The following TSPEAR variants were observed in gnomAD, a reference collection of about 807,000 sequenced individuals.
TSPEAR encodes the protein thrombospondin-type laminin G domain and EAR repeat-containing protein.
Under a neutral mutation model 71.6 loss-of-function variants are expected in TSPEAR, and 69 were observed. The observed-to-expected ratio is 0.96, with a 90% confidence interval of 0.79 to 1.18. TSPEAR has a LOEUF of 1.18. TSPEAR is among the 50% of genes most tolerant of loss of function. The probability of loss-of-function intolerance (pLI) is 0.00; values close to 1 mark genes in which losing one functional copy is unlikely to be tolerated. For missense variants in TSPEAR, 971 were observed against 894.9 expected (o/e 1.09, Z -1.09); for synonymous variants, 402 against 387.2 (o/e 1.04, Z -0.45).
intron 8 of TSPEAR, among the ~76,000 whole-genome samples, chr21:44,523,186 C>T (rs111067111): frequency 0.035 from 5,159 of 148,052 alleles, 426 homozygotes; most frequent in African/African-American, 0.13. Flanking sequence ...AGCCAGCCAG[C>T]CAATTAGTCA....
intron 1 of TSPEAR, chr21:44,646,613 G>A (rs781991449): frequency 6.2e-7 from 1 of 1,612,908 alleles, no homozygotes; most frequent in Admixed American, 1.7e-5. Context: ...CCAGTGAGCT[G>A]TGTGTCCAGC....
At chr21:44,673,930 G>A (rs1255518378) in intron 1 of TSPEAR, among the ~76,000 whole-genome samples, 3 of 151,060 alleles carry the variant, frequency 2.0e-5, no homozygotes, top group East Asian at 1.9e-4. Context: ...AGGGAAACAC[G>A]ACATATCAAA....
chr21:44,548,558 A>G (rs1418675516), intron 2 of TSPEAR, among the ~76,000 whole-genome samples: 1 of 152,232 alleles, frequency 6.6e-6, no homozygotes, highest in Non-Finnish European at 1.5e-5. Flanking sequence ...ACACGTGAAC[A>G]CGTGAACATG....
chr21:44,547,502 C>G (rs587629795), intron 2 of TSPEAR, among the ~76,000 whole-genome samples: 3 of 152,264 alleles, frequency 2.0e-5, no homozygotes, highest in East Asian at 1.9e-4. Context: ...TTCTGGGTAT[C>G]AGGTTCTCCT....
At chr21:44,532,706 G>A (rs1169204323) in intron 3 of TSPEAR, among the ~76,000 whole-genome samples, 1 of 152,214 alleles carries the variant, frequency 6.6e-6, no homozygotes, top group East Asian at 1.9e-4. Context: ...CTGCTCCACA[G>A]TGGTAGATCC....
chr21:44,568,086 A>G (rs2053726861), intron 1 of TSPEAR, 81 bp from the exon 2 acceptor site: 2 of 1,117,268 alleles, frequency 1.8e-6, no homozygotes, highest in Non-Finnish European at 2.5e-6. Context: ...TGTATGGGGC[A>G]TCAGCGTGGC....
chr21:44,546,322 G>A lies in TSPEAR; in HGVS notation c.304-12399C>T, dbSNP rs1466387683. On this transcript the variant is annotated intron_variant, in intron 2 of 11. Coordinates refer to ENST00000323084, the MANE Select transcript of TSPEAR (RefSeq NM_144991.3). This position sits in a 1 kb window ranked among gnomAD's most constrained non-coding sequence, Gnocchi z 4.4. ...AGTCTATTGGCAATGAGCTTTTTCA[G>A]GTTTTATTTACCTTGAAATGAATCA... 6.6e-6 allele frequency among the ~76,000 whole-genome samples: 1 copy of A among 152,112 alleles called. No individual in the cohort carries two copies. The highest frequency in any genetic ancestry group is 2.4e-5 in the African/African-American group (1 of 41,428).
At chr21:44,643,243 C>T (rs899665492) in intron 1 of TSPEAR, among the ~76,000 whole-genome samples, 2 of 152,078 alleles carry the variant, frequency 1.3e-5, no homozygotes, top group Non-Finnish European at 2.9e-5. Flanking sequence ...AATGGGGATT[C>T]GAGGGCCAGG....
intron 5 of TSPEAR, 35 bp from the exon 6 acceptor site, chr21:44,528,618 A>G (rs1555915273): frequency 6.2e-7 from 1 of 1,610,572 alleles, no homozygotes. Flanking sequence ...GTTTCCAGCA[A>G]GCCAGTGCCC....
chr21:44,620,268 T>C (rs587740854), intron 1 of TSPEAR, among the ~76,000 whole-genome samples: 1 of 152,322 alleles, frequency 6.6e-6, no homozygotes, highest in Admixed American at 6.5e-5. Flanking sequence ...TTGAGGTAAA[T>C]AAAACCTGAG....
At chr21:44,656,851 G>C in intron 1 of TSPEAR, among the ~76,000 whole-genome samples, 1 of 152,038 alleles carries the variant, frequency 6.6e-6, no homozygotes, top group East Asian at 1.9e-4. Context: ...CATTTTTCTA[G>C]ATTCTTTCTC....
At chr21:44,684,812 C>T (rs115867893) in intron 1 of TSPEAR, among the ~76,000 whole-genome samples, 8,293 of 152,270 alleles carry the variant, frequency 0.054, 243 homozygotes, top group Middle Eastern at 0.14. Context: ...AAGATGCATC[C>T]TCATTCTTCT....
intron 2 of TSPEAR, 70 bp downstream of exon 2, chr21:44,567,715 C>T (rs1555921900): frequency 1.8e-5 from 25 of 1,365,010 alleles, no homozygotes; most frequent in South Asian, 1.3e-4. Flanking sequence ...CCTGTGCACG[C>T]GTTGGTACTG....
chr21:44,661,544 T>TA (rs1985497306), intron 1 of TSPEAR, among the ~76,000 whole-genome samples: 1 of 152,206 alleles, frequency 6.6e-6, no homozygotes, highest in South Asian at 2.1e-4. Flanking sequence ...TGAAAGGACG[T>TA]ATTAGGCTAT....
At chr21:44,513,662 G>A (rs1555913004) in intron 9 of TSPEAR, among the ~76,000 whole-genome samples, 1 of 152,232 alleles carries the variant, frequency 6.6e-6, no homozygotes, top group Non-Finnish European at 1.5e-5. Context: ...TCGAGGGCGG[G>A]TGGGCACCCG....
intron 1 of TSPEAR, among the ~76,000 whole-genome samples, chr21:44,630,378 C>G (rs900596284): frequency 6.6e-6 from 1 of 152,154 alleles, no homozygotes; most frequent in African/African-American, 2.4e-5. Flanking sequence ...GCAAATGAAC[C>G]AGTCACTGCC....
intron 1 of TSPEAR, among the ~76,000 whole-genome samples, chr21:44,578,745 C>T (rs948615618): frequency 6.6e-5 from 10 of 152,140 alleles, no homozygotes; most frequent in Non-Finnish European, 1.3e-4. Flanking sequence ...CAGCCACCAC[C>T]GCAGCCCCTG....
At chr21:44,705,194 C>A (rs1050049296) in intron 1 of TSPEAR, among the ~76,000 whole-genome samples, 9 of 152,240 alleles carry the variant, frequency 5.9e-5, no homozygotes, top group African/African-American at 2.2e-4. Context: ...ATTTCATAGA[C>A]ACTTATCACT....
intron 1 of TSPEAR, among the ~76,000 whole-genome samples, chr21:44,617,354 G>A (rs587603071): frequency 1.3e-5 from 2 of 152,374 alleles, no homozygotes; most frequent in African/African-American, 4.8e-5. Flanking sequence ...CCCCAGGCTT[G>A]CCGCTGGGAT....
Sources: allele counts gnomAD v4.1 joint callset (sites outside exome capture counted in the v4.1 genomes callset), GRCh38; gene constraint gnomAD v4.1.1; non-coding constraint Gnocchi (gnomAD v3.1); transcripts MANE v1.5; gene names NCBI Gene and HGNC (gene_info 2026-07-23, HGNC 2026-07-21).